The following TTC6 variants were observed in gnomAD, a reference collection of about 807,000 sequenced individuals.
The protein encoded by TTC6 is tetratricopeptide repeat protein 6.
A neutral mutation model predicts 210.4 loss-of-function variants in TTC6; 172 were observed. That is an observed-to-expected ratio of 0.82 (90% CI 0.72 to 0.93). The LOEUF (loss-of-function observed/expected upper bound fraction) is 0.93, where lower values mean the gene tolerates loss of function less well. Among genes scored for constraint, TTC6 ranks in the 40% least tolerant of loss-of-function variants. The pLI is 0.00. For synonymous variants in TTC6, 804 were observed against 819.6 expected (o/e 0.98, Z 0.32); for missense variants, 2,414 against 2,318.1 (o/e 1.04, Z -0.85).
exon 18 of TTC6, chr14:37,795,331 G>T (rs1429773629): frequency 1.3e-6 from 2 of 1,530,688 alleles, no homozygotes; most frequent in South Asian, 2.4e-5. Flanking sequence ...CAGCCAGATG[G>T]AATCCAATTA....
intron 7 of TTC6, among the ~76,000 whole-genome samples, chr14:37,729,141 T>C (rs1306898666): frequency 6.6e-6 from 1 of 152,220 alleles, no homozygotes; most frequent in Non-Finnish European, 1.5e-5. Context: ...TCAAAGTGTA[T>C]GTATATTTCA....
At chr14:37,637,740 C>A (rs1055944779) in intron 1 of TTC6, among the ~76,000 whole-genome samples, 1 of 152,100 alleles carries the variant, frequency 6.6e-6, no homozygotes, top group African/African-American at 2.4e-5. Flanking sequence ...TAAAATCATT[C>A]ATCATTAGGA....
chr14:37,660,611 T>G (rs2095735414), intron 1 of TTC6, among the ~76,000 whole-genome samples: 1 of 152,368 alleles, frequency 6.6e-6, no homozygotes, highest in African/African-American at 2.4e-5. Flanking sequence ...TTTAGATTGA[T>G]TCCATGTCTT....
chr14:37,841,651 T>A (rs2096210423), exon 30 of TTC6: 1 of 1,603,268 alleles, frequency 6.2e-7, no homozygotes, highest in African/African-American at 1.3e-5. Flanking sequence ...ATGAACTAGC[T>A]GAGGAAGACC....
At chr14:37,817,691 A>C in intron 26 of TTC6, 40 bp downstream of exon 28, 1 of 1,577,296 alleles carries the variant, frequency 6.3e-7, no homozygotes, top group South Asian at 1.1e-5. Context: ...ATCAAGCAGG[A>C]CCATCAGACT....
intron 29 of TTC6, among the ~76,000 whole-genome samples, chr14:37,840,754 T>TA (rs2096208125): frequency 6.6e-6 from 1 of 152,198 alleles, no homozygotes; most frequent in Non-Finnish European, 1.5e-5. Context: ...ACCAAAGTGT[T>TA]ACTTTTCTAA....
intron 20 of TTC6, among the ~76,000 whole-genome samples, chr14:37,799,104 C>T (rs191790079): frequency 1.2e-4 from 18 of 152,010 alleles, no homozygotes; most frequent in Admixed American, 9.8e-4. Flanking sequence ...ATGAGTTTGT[C>T]TAAAGATTGT....
At chr14:37,723,613 C>A (rs2095866008) in intron 6 of TTC6, among the ~76,000 whole-genome samples, 1 of 152,160 alleles carries the variant, frequency 6.6e-6, no homozygotes. Context: ...AGTGCACGTG[C>A]ATAGAAGTAT....
At chr14:37,705,234 T>C (rs1284593462) in intron 5 of TTC6, among the ~76,000 whole-genome samples, 2 of 152,090 alleles carry the variant, frequency 1.3e-5, no homozygotes, top group Non-Finnish European at 2.9e-5. Context: ...TTTTGGAAAA[T>C]ATGTGGACAG....
intron 1 of TTC6, among the ~76,000 whole-genome samples, chr14:37,667,284 A>T (rs1253430309): frequency 6.7e-6 from 1 of 149,806 alleles, no homozygotes; most frequent in East Asian, 1.9e-4. Flanking sequence ...TTCTTATTTC[A>T]CTTATACTAC....
At chr14:37,720,573 A>C (rs530004734) in intron 6 of TTC6, 34 of 151,846 alleles carry the variant, frequency 2.2e-4, no homozygotes, top group Non-Finnish European at 4.1e-4. Context: ...AAAAAAAAAA[A>C]AAAAAACTCA....
At chr14:37,721,491 A>G (rs2095861693) in intron 6 of TTC6, among the ~76,000 whole-genome samples, 1 of 152,138 alleles carries the variant, frequency 6.6e-6, no homozygotes, top group African/African-American at 2.4e-5. Flanking sequence ...AGTTTTTTTC[A>G]GTGTCACAAA....
intron 5 of TTC6, among the ~76,000 whole-genome samples, chr14:37,708,805 T>C (rs1360092222): frequency 2.6e-5 from 4 of 152,114 alleles, no homozygotes; most frequent in Non-Finnish European, 5.9e-5. Context: ...TGTTCCCTCC[T>C]AGGAACTGAA....
At chr14:37,660,679 T>G (rs1267540891) in intron 1 of TTC6, among the ~76,000 whole-genome samples, 2 of 152,222 alleles carry the variant, frequency 1.3e-5, no homozygotes, top group Non-Finnish European at 2.9e-5. Context: ...TGTAATAGAA[T>G]GATTTATATT....
intron 1 of TTC6, among the ~76,000 whole-genome samples, chr14:37,672,942 C>G (rs1264189838): frequency 1.3e-5 from 2 of 150,922 alleles, no homozygotes; most frequent in Non-Finnish European, 2.9e-5. Flanking sequence ...GTTTCTGGAA[C>G]TACTATAGTT....
At position 37,670,418 on chromosome 14, in the gene TTC6, T is replaced by A. The variant is rs971987744; in HGVS notation, c.940-9733T>A. Among the ~76,000 whole-genome samples the A allele has an allele frequency of 9.7e-4, 147 of 151,190 alleles. 1 individual carries two copies. Among genetic ancestry groups the A allele is most frequent in the South Asian group, 6.3e-4 (3 of 4,776 alleles). The stretch of plus-strand genomic sequence containing the variant: ...GGCATATTAACTATTACACAGTATG[T>A]TTTGTTAACACATGTACTTTGCATT... On this transcript the variant is annotated intron_variant, in intron 1 of 30. Transcript: ENST00000553443.
intron 24 of TTC6, among the ~76,000 whole-genome samples, chr14:37,810,761 T>G (rs2096127935): frequency 6.6e-6 from 1 of 152,166 alleles, no homozygotes; most frequent in African/African-American, 2.4e-5. Flanking sequence ...GAAAATGCAC[T>G]TAGGCATTCT....
At chr14:37,797,962 G>A (rs1595282207) in intron 20 of TTC6, among the ~76,000 whole-genome samples, 1 of 152,032 alleles carries the variant, frequency 6.6e-6, no homozygotes, top group African/African-American at 2.4e-5. Context: ...TTTCACATAT[G>A]TGTGGATCAT....
chr14:37,729,394 G>T (rs987632045), intron 7 of TTC6, among the ~76,000 whole-genome samples: 12 of 152,158 alleles, frequency 7.9e-5, no homozygotes, highest in African/African-American at 2.9e-4. Context: ...AAGAAAATCT[G>T]CTGAGGGGGC....
Sources: gnomAD v4.1 joint callset for allele counts (sites outside exome capture counted in the v4.1 genomes callset) on GRCh38, gnomAD v4.1.1 for gene constraint, MANE v1.5 for transcripts, NCBI Gene and HGNC (gene_info 2026-07-23, HGNC 2026-07-21) for gene names.